KDM2B: variants seen among roughly 807,000 people sequenced by gnomAD.
KDM2B encodes the protein lysine demethylase 2B.
In KDM2B, 26 loss-of-function variants were observed where a neutral mutation model predicts 150.0. The ratio of observed to expected loss-of-function variants is 0.17; its 90% confidence interval spans 0.13 to 0.24. The LOEUF (loss-of-function observed/expected upper bound fraction) is 0.24. KDM2B is among the 10% of genes least tolerant of loss of function. The pLI is 1.00. For synonymous variants in KDM2B, 734 were observed against 729.5 expected (o/e 1.01, Z -0.10); for missense variants, 1,265 against 1,816.9 (o/e 0.70, Z 5.52).
intron 12 of KDM2B, among the ~76,000 whole-genome samples, chr12:121,473,039 T>C (rs1395943746): frequency 6.6e-6 from 1 of 152,068 alleles, no homozygotes; most frequent in Non-Finnish European, 1.5e-5. Flanking sequence ...AGAAATAAGA[T>C]CTGAAGTTCT....
At chr12:121,525,153 T>A (rs1374065594) in intron 8 of KDM2B, among the ~76,000 whole-genome samples, 4 of 152,200 alleles carry the variant, frequency 2.6e-5, no homozygotes, top group Non-Finnish European at 5.9e-5. Flanking sequence ...CTGTGGCTGC[T>A]GACATGAAGT....
chr12:121,420,104 G>A, the KDM2B span: 2 of 732,800 alleles, frequency 2.7e-6, no homozygotes, highest in Non-Finnish European at 4.5e-6. Context: ...TTTTTGGAAG[G>A]GTCAGCAGCA....
downstream of KDM2B, among the ~76,000 whole-genome samples, chr12:121,428,125 C>A (rs1396525115): frequency 2.0e-5 from 3 of 151,984 alleles, no homozygotes; most frequent in Non-Finnish European, 4.4e-5. Context: ...ACAGTGGCTT[C>A]AAGTGTCTTT....
chr12:121,494,867 G>A (rs1408765609), intron 11 of KDM2B, among the ~76,000 whole-genome samples: 1 of 152,064 alleles, frequency 6.6e-6, no homozygotes, highest in African/African-American at 2.4e-5. Flanking sequence ...GTTCCCCTCT[G>A]CCCTCTACAA....
Position 121,572,310 on chromosome 12 carries a change from C to T in KDM2B, c.397+2237G>A, listed in dbSNP as rs118011242. On this transcript the variant is annotated intron_variant, in intron 4 of 22. Coordinates refer to ENST00000377071, the MANE Select transcript of KDM2B (RefSeq NM_032590.5). ...TTAAAGCTCCCCAGTGGCTTCCCAA[C>T]ACACTAGAAGTCAAACCCAAATTCC... Among the ~76,000 whole-genome samples the T allele has an allele frequency of 1.1e-3, 175 of 152,340 alleles. No homozygotes were observed. The East Asian group carries it at 0.025, about 22-fold the overall frequency.
intron 12 of KDM2B, among the ~76,000 whole-genome samples, chr12:121,491,797 A>C (rs1883393219): frequency 1.3e-5 from 2 of 149,600 alleles, no homozygotes; most frequent in African/African-American, 4.9e-5. Flanking sequence ...CCATCTCAAA[A>C]AAAAAAAAAA....
intron 6 of KDM2B, among the ~76,000 whole-genome samples, chr12:121,541,688 C>T (rs1190903843): frequency 6.6e-6 from 1 of 152,036 alleles, no homozygotes; most frequent in Non-Finnish European, 1.5e-5. Flanking sequence ...GGAAGAGAAC[C>T]CACTCAACTA....
intron 11 of KDM2B, among the ~76,000 whole-genome samples, chr12:121,498,064 C>A (rs1884159370): frequency 6.6e-6 from 1 of 151,870 alleles, no homozygotes; most frequent in South Asian, 2.1e-4. Context: ...CCACTGCACT[C>A]CAGTCTGAGA....
intron 4 of KDM2B, among the ~76,000 whole-genome samples, chr12:121,564,641 C>T (rs1282835146): frequency 6.6e-6 from 1 of 152,028 alleles, no homozygotes; most frequent in African/African-American, 2.4e-5. Flanking sequence ...TACAAATCAA[C>T]GGAACAATAT....
chr12:121,419,847 C>CA, the KDM2B span: 2 of 165,684 alleles, frequency 1.2e-5, no homozygotes, highest in Non-Finnish European at 2.7e-5. Context: ...TTGGGCTGAC[C>CA]CATCAGAGCT....
At chr12:121,572,212 A>G (rs75977827) in intron 4 of KDM2B, among the ~76,000 whole-genome samples, 4,325 of 152,218 alleles carry the variant, frequency 0.028, 210 homozygotes, top group African/African-American at 0.097. Context: ...CATATAAATA[A>G]AATTAAATAA....
downstream of KDM2B, among the ~76,000 whole-genome samples, chr12:121,427,478 G>T (rs1555284400): frequency 6.6e-6 from 1 of 152,184 alleles, no homozygotes; most frequent in Non-Finnish European, 1.5e-5. Flanking sequence ...GGAGGCAGAG[G>T]TTGCAGTGAG....
chr12:121,483,452 C>A (rs1882382196), intron 12 of KDM2B, among the ~76,000 whole-genome samples: 1 of 151,780 alleles, frequency 6.6e-6, no homozygotes, highest in Non-Finnish European at 1.5e-5. Context: ...GCAGGCGGAT[C>A]TCTTGAGCCC....
At chr12:121,507,191 C>A (rs1885164833) in intron 11 of KDM2B, among the ~76,000 whole-genome samples, 1 of 150,232 alleles carries the variant, frequency 6.7e-6, no homozygotes, top group Non-Finnish European at 1.5e-5. Context: ...ATGGGAGACC[C>A]CATCTCTACA....
chr12:121,475,416 C>G (rs540020341), intron 12 of KDM2B, among the ~76,000 whole-genome samples: 5 of 151,420 alleles, frequency 3.3e-5, no homozygotes, highest in Non-Finnish European at 2.9e-5. Context: ...ACACTGAGAC[C>G]CTGTCTTTAC....
At chr12:121,579,988 G>GAAA in intron 1 of KDM2B, 1 of 1,324,660 alleles carries the variant, frequency 7.5e-7, no homozygotes, top group South Asian at 1.4e-5. Context: ...ATACAGATTT[G>GAAA]GAAAAAAAAA....
chr12:121,548,831 T>TG lies in KDM2B; in HGVS notation c.683+45dup, dbSNP rs782495587. 3.4e-6 allele frequency: 5 copies of TG among 1,492,386 alleles called. No homozygotes were observed. The East Asian group carries it at 9.0e-5, about 27-fold the overall frequency. 92.4% of individuals were successfully genotyped at this position (1,492,386 alleles called of 1,614,324 possible). A position where few individuals can be genotyped will look rare whatever the true frequency, so the allele number is the denominator to read the frequency against. ...TCCCACCTCCCCACCTCCCCAAGCC[T>TG]GGGGGTCAACCCTGCCAGCTCTGGC... On this transcript the variant is annotated intron_variant, in intron 6 of 22. Transcript: ENST00000377071.
the KDM2B span, among the ~76,000 whole-genome samples, chr12:121,418,996 G>A: frequency 3.3e-5 from 5 of 152,108 alleles, no homozygotes; most frequent in African/African-American, 9.7e-5. Flanking sequence ...AGCCAACCGC[G>A]CCTGGCCAAG....
intron 12 of KDM2B, among the ~76,000 whole-genome samples, chr12:121,466,583 C>G (rs1879979775): frequency 6.6e-6 from 1 of 151,584 alleles, no homozygotes; most frequent in South Asian, 2.1e-4. Flanking sequence ...GCCCGCGGCT[C>G]GCACCCCTTC....
Sources: allele counts gnomAD v4.1 joint callset (sites outside exome capture counted in the v4.1 genomes callset), GRCh38; gene constraint gnomAD v4.1.1; transcripts MANE v1.5; gene names NCBI Gene and HGNC (gene_info 2026-07-23, HGNC 2026-07-21).